The following IGFL4 variants were observed in gnomAD, a reference collection of about 807,000 sequenced individuals.
IGFL4 encodes the protein IGF like family member 4, also known as insulin growth factor-like family member 4.
IGFL4 carries 12 observed loss-of-function variants against 15.4 expected under a neutral mutation model. The ratio of observed to expected loss-of-function variants is 0.78; its 90% CI spans 0.50 to 1.26. The LOEUF is 1.26. Ranked by LOEUF, IGFL4 falls within the 50% of genes most tolerant of loss-of-function variation. The probability of loss-of-function intolerance (pLI) is 0.00; values close to 1 mark genes in which losing one functional copy is unlikely to be tolerated. For missense variants in IGFL4, 126 were observed against 147.8 expected, an observed-to-expected ratio of 0.85 and a Z score of 0.76; for synonymous variants, 54 against 55.9, an observed-to-expected ratio of 0.97 and a Z score of 0.16.
At chr19:46,075,941 G>A (rs78670568) in intron 1 of IGFL4, among the ~76,000 whole-genome samples, 3,431 of 152,176 alleles carry the variant, frequency 0.023, 114 homozygotes, top group African/African-American at 0.076. Context: ...GTCCATTCCT[G>A]CTGCTATAAC....
chr19:46,067,792 A>G (rs935525998), intron 1 of IGFL4, among the ~76,000 whole-genome samples: 5 of 152,136 alleles, frequency 3.3e-5, no homozygotes, highest in African/African-American at 1.2e-4. Context: ...CCCTCAGGAA[A>G]GAGTCAGTCA....
upstream of IGFL4, among the ~76,000 whole-genome samples, chr19:46,045,713 A>G (rs1010966347): frequency 1.3e-5 from 2 of 152,110 alleles, no homozygotes; most frequent in Non-Finnish European, 2.9e-5. Flanking sequence ...CAGGCAGACA[A>G]GAATAGAGAA....
In IGFL4 at chr19:46,063,213, C is replaced by T. The variant is rs942063362; in HGVS notation, c.-431-2920G>A. Among the ~76,000 whole-genome samples the T allele has an allele frequency of 3.9e-5, 6 of 152,102 alleles. No homozygotes were observed. In the South Asian group the frequency reaches 6.2e-4, roughly 16 times the overall value. On this transcript the variant is annotated intron_variant, in intron 1 of 5. Transcript: ENST00000601672. ...AGTGAATATAAACCCTGAATTGGCA[C>T]GGAGTGATGGGGCACTTACTCTATT... is the stretch of plus-strand genomic sequence containing the variant.
upstream of IGFL4, among the ~76,000 whole-genome samples, chr19:46,042,956 C>T (rs1456279132): frequency 6.6e-6 from 1 of 152,194 alleles, no homozygotes; most frequent in African/African-American, 2.4e-5. Context: ...GAGTGTTCTG[C>T]CATGACATAC....
chr19:46,066,509 A>C (rs546844486), intron 1 of IGFL4, among the ~76,000 whole-genome samples: 42 of 152,300 alleles, frequency 2.8e-4, no homozygotes, highest in African/African-American at 1.0e-3. Flanking sequence ...GGAAATACCC[A>C]AGGCTAGGTA....
At chr19:46,073,686 A>G in intron 1 of IGFL4, among the ~76,000 whole-genome samples, 1 of 152,294 alleles carries the variant, frequency 6.6e-6, no homozygotes, top group East Asian at 1.9e-4. Context: ...CTTCCCTGAC[A>G]GAGAATCATT....
chr19:46,053,747 G>A (rs962636214), intron 2 of IGFL4, among the ~76,000 whole-genome samples: 17 of 152,100 alleles, frequency 1.1e-4, no homozygotes, highest in African/African-American at 4.1e-4. Context: ...TCAACAATGT[G>A]TAAGAGTTCC....
chr19:46,074,998 G>A (rs984387339), intron 1 of IGFL4, among the ~76,000 whole-genome samples: 47 of 152,164 alleles, frequency 3.1e-4, no homozygotes, highest in African/African-American at 1.1e-3. Flanking sequence ...AAGAGGAAGG[G>A]ATTCAATTCC....
At chr19:46,050,908 T>A (rs892248849) in intron 2 of IGFL4, among the ~76,000 whole-genome samples, 2 of 152,128 alleles carry the variant, frequency 1.3e-5, no homozygotes, top group Admixed American at 6.6e-5. Flanking sequence ...GAATCTTAAG[T>A]CCTGTGAGGC....
At chr19:46,046,767 T>C (rs1168243605) in intron 2 of IGFL4, among the ~76,000 whole-genome samples, 1 of 152,130 alleles carries the variant, frequency 6.6e-6, no homozygotes, top group Non-Finnish European at 1.5e-5. Flanking sequence ...AGCAAGTTCT[T>C]ACAGATCTAC....
At chr19:46,049,705 GAC>G (rs755264327) in intron 2 of IGFL4, among the ~76,000 whole-genome samples, 5 of 152,086 alleles carry the variant, frequency 3.3e-5, no homozygotes, top group Non-Finnish European at 7.4e-5. Flanking sequence ...GAAGACAAAG[GAC>G]ACAGTCTCTT....
intron 1 of IGFL4, among the ~76,000 whole-genome samples, chr19:46,074,003 T>C (rs1253385630): frequency 6.6e-6 from 1 of 152,162 alleles, no homozygotes; most frequent in Non-Finnish European, 1.5e-5. Flanking sequence ...TCTAATACAT[T>C]ACTTGGGAAT....
In IGFL4 at chr19:46,040,271, G is replaced by A; in HGVS notation, c.216C>T (p.Phe72=). Residue 72 remains phenylalanine (F), a synonymous_variant, in exon 3 of 4, where the codon TTC becomes TTT. Coordinates refer to ENST00000377697, the MANE Select transcript of IGFL4 (RefSeq NM_001002923.3). The surrounding 1 kb of genome is among the most constrained non-coding windows in gnomAD (Gnocchi z 4.1). The part of the protein sequence containing the change: ...CGSSCTFWPC[F]QHCCLESLGS... Reference sequence around the variant, plus strand: ...CCAAAGACTCCAGGCAGCAGTGCTGGAAGCAGGGCCAGAAGGTGCAGCTGG... The same window carrying A: ...CCAAAGACTCCAGGCAGCAGTGCTGAAAGCAGGGCCAGAAGGTGCAGCTGG... The A allele has an allele frequency of 1.2e-6, 2 of 1,607,772 alleles. No individual in the cohort carries two copies. Among genetic ancestry groups the A allele is most frequent in the East Asian group, 2.2e-5 (1 of 44,884 alleles).
At chr19:46,046,535 T>A (rs1014815054) in intron 2 of IGFL4, among the ~76,000 whole-genome samples, 1 of 152,102 alleles carries the variant, frequency 6.6e-6, no homozygotes, top group Non-Finnish European at 1.5e-5. Context: ...GGGACACACA[T>A]AGGCTCAAAA....
At position 46,039,874 on chromosome 19, in the gene IGFL4, C is replaced by T; in HGVS notation, c.*18G>A. 6.3e-7 allele frequency: 1 copy of T among 1,596,384 alleles called. No homozygotes were observed. The highest frequency in any genetic ancestry group is 8.6e-7 in the Non-Finnish European group (1 of 1,163,920). On this transcript the variant is annotated 3_prime_UTR_variant, in exon 4 of 4. Transcript: ENST00000377697. The stretch of plus-strand genomic sequence containing the variant: ...TTAGATTCTAGAGTGATCTGTGACT[C>T]TGCTACCCCAGAACAGTCTAGATGA...
chr19:46,040,704 G>A lies in IGFL4; in HGVS notation c.20-136C>T. 9.2e-7 allele frequency: 1 copy of A among 1,084,450 alleles called. No individual in the cohort carries two copies. Among genetic ancestry groups the A allele is most frequent in the Non-Finnish European group, 1.4e-6 (1 of 722,650 alleles). 67.2% of individuals were successfully genotyped at this position (1,084,450 alleles called of 1,614,324 possible). A position where few individuals can be genotyped will look rare whatever the true frequency, so the allele number is the denominator to read the frequency against. On this transcript the variant is annotated intron_variant, in intron 1 of 3. Transcript: ENST00000377697. The surrounding 1 kb of genome is among the most constrained non-coding windows in gnomAD (Gnocchi z 4.1). ...ATTTTGGGACTGGCTGTGGGTGCAG[G>A]TCCTGGGGACTGGGCTTGGCAGGTG...
chr19:46,046,927 C>T (rs1291428551), intron 2 of IGFL4, among the ~76,000 whole-genome samples: 1 of 152,216 alleles, frequency 6.6e-6, no homozygotes, highest in Non-Finnish European at 1.5e-5. Flanking sequence ...ACAGAACTCT[C>T]TACCCCAAAC....
chr19:46,071,421 C>G (rs1194978710), intron 1 of IGFL4, among the ~76,000 whole-genome samples: 1 of 152,238 alleles, frequency 6.6e-6, no homozygotes, highest in East Asian at 1.9e-4. Flanking sequence ...TTCTGCTTCT[C>G]TCCCATCCAG....
At chr19:46,060,133 C>T (rs533032185) in intron 2 of IGFL4, 1 of 152,158 alleles carries the variant, frequency 6.6e-6, no homozygotes, top group Admixed American at 6.6e-5. Flanking sequence ...GAAAACAGAT[C>T]CTTATTGTAC....
Sources: gnomAD v4.1 joint callset for allele counts (sites outside exome capture counted in the v4.1 genomes callset) on GRCh38, gnomAD v4.1.1 for gene constraint, Gnocchi (gnomAD v3.1) non-coding constraint, MANE v1.5 for transcripts, NCBI Gene and HGNC (gene_info 2026-07-23, HGNC 2026-07-21) for gene names.